Variants in CNTN4 observed in about 807,000 individuals in gnomAD.
The protein encoded by CNTN4 is contactin-4.
A neutral mutation model predicts 122.5 loss-of-function variants in CNTN4; 77 were observed. That is an observed-to-expected ratio of 0.63 (90% confidence interval 0.52 to 0.76). The LOEUF (loss-of-function observed/expected upper bound fraction) is 0.76, where lower values mean the gene tolerates loss of function less well. CNTN4 is among the 30% of genes least tolerant of loss of function. The probability of loss-of-function intolerance (pLI) is 0.00; values close to 1 mark genes in which losing one functional copy is unlikely to be tolerated. For synonymous variants in CNTN4, 512 were observed against 447.0 expected, an observed-to-expected ratio of 1.15 and a Z score of -1.83; for missense variants, 1,256 against 1,259.1, an observed-to-expected ratio of 1.00 and a Z score of 0.04.
chr3:2,545,815 G>A (rs573013084), intron 3 of CNTN4, among the ~76,000 whole-genome samples: 10 of 151,796 alleles, frequency 6.6e-5, no homozygotes, highest in African/African-American at 1.9e-4. Context: ...GTCTTGCTTT[G>A]TTATCCACCT....
intron 2 of CNTN4, among the ~76,000 whole-genome samples, chr3:2,297,878 A>G (rs920954879): frequency 5.9e-5 from 9 of 152,086 alleles, no homozygotes; most frequent in Non-Finnish European, 5.9e-5. Flanking sequence ...CCAGAGGCAC[A>G]TGCCACCACA....
intron 2 of CNTN4, among the ~76,000 whole-genome samples, chr3:2,193,044 G>A (rs1178150034): frequency 2.0e-5 from 3 of 152,064 alleles, no homozygotes; most frequent in African/African-American, 4.8e-5. Flanking sequence ...TATCAGCCAT[G>A]GGAAGACCCA....
At chr3:2,363,824 T>A (rs1426149885) in intron 3 of CNTN4, among the ~76,000 whole-genome samples, 1 of 152,194 alleles carries the variant, frequency 6.6e-6, no homozygotes, top group African/African-American at 2.4e-5. Context: ...GCAAGCTTCA[T>A]AAAGCATGGA....
At chr3:2,632,064 G>GCACACA (rs35316929) in intron 4 of CNTN4, among the ~76,000 whole-genome samples, 3,325 of 143,958 alleles carry the variant, frequency 0.023, 95 homozygotes, top group African/African-American at 0.073. Flanking sequence ...ATACACATAC[G>GCACACA]CACACACACA....
intron 4 of CNTN4, among the ~76,000 whole-genome samples, chr3:2,575,819 T>C (rs1337839005): frequency 2.0e-3 from 9 of 4,502 alleles, no homozygotes; most frequent in Non-Finnish European, 6.3e-3. Flanking sequence ...CTTTTTTTTT[T>C]TTTTTTTTTT....
At chr3:3,041,336 T>C (rs1341034789) in intron 20 of CNTN4, among the ~76,000 whole-genome samples, 1 of 152,240 alleles carries the variant, frequency 6.6e-6, no homozygotes, top group Non-Finnish European at 1.5e-5. Context: ...GGATTTACAA[T>C]TATTCAAACA....
intron 6 of CNTN4, among the ~76,000 whole-genome samples, chr3:2,765,248 C>G (rs888442811): frequency 2.6e-5 from 4 of 152,124 alleles, no homozygotes; most frequent in African/African-American, 9.7e-5. Context: ...TCAATATCAC[C>G]ACTCGTACTT....
Position 3,040,213 on chromosome 3 carries a change from C to G in CNTN4, c.2340C>G (p.Phe780Leu). 6.2e-7 allele frequency: 1 copy of G among 1,614,204 alleles called. No individual in the cohort carries two copies. The highest frequency in any genetic ancestry group is 1.3e-5 in the African/African-American group (1 of 75,052). ...FSPFEVKVGVFNNKGEGPFSP... is the reference protein window; with the variant it reads ...FSPFEVKVGVLNNKGEGPFSP... ...CCTTTGAGGTTAAAGTAGGTGTCTT[C>G]AACAACAAAGGAGAAGGCCCTTTCA... is the stretch of plus-strand genomic sequence containing the variant. The change falls in exon 20 of 25, where the codon TTC becomes TTG. Residue 780 changes from phenylalanine to leucine, a missense_variant. Transcript: ENST00000418658.
In CNTN4 at chr3:2,336,311, C is replaced by T. The variant is rs923712119; in HGVS notation, c.-144-2867C>T. Among the ~76,000 whole-genome samples the T allele has an allele frequency of 5.3e-5, 8 of 151,882 alleles. No homozygotes were observed. In the South Asian group the frequency reaches 1.0e-3, roughly 20 times the overall value. On this transcript the variant is annotated intron_variant, in intron 2 of 24. Coordinates refer to ENST00000418658, the MANE Select transcript of CNTN4 (RefSeq NM_175607.3). ...GGAATCTTGGTCTGTTTCTTTTCTC[C>T]TAGTAAATACTTTTTGAATAAAAAA...
intron 4 of CNTN4, among the ~76,000 whole-genome samples, chr3:2,705,893 T>G (rs1208972010): frequency 3.0e-5 from 2 of 66,648 alleles, no homozygotes; most frequent in East Asian, 1.4e-3. Context: ...ATATAATATA[T>G]AAAATATATA....
At chr3:2,396,027 G>GATTTTTTTTTT (rs1327477519) in intron 3 of CNTN4, among the ~76,000 whole-genome samples, 6 of 151,872 alleles carry the variant, frequency 4.0e-5, no homozygotes, top group African/African-American at 1.4e-4. Flanking sequence ...TCCTTATGGG[G>GATTTTTTTTTT]CTGTTTGTTG....
At chr3:2,818,018 A>T (rs933580597) in intron 6 of CNTN4, among the ~76,000 whole-genome samples, 4 of 152,172 alleles carry the variant, frequency 2.6e-5, no homozygotes, top group Admixed American at 6.5e-5. Context: ...TTTTGTGCAG[A>T]GTATGTGTGT....
chr3:2,428,357 C>T (rs2047925461), intron 3 of CNTN4, among the ~76,000 whole-genome samples: 1 of 152,166 alleles, frequency 6.6e-6, no homozygotes, highest in Admixed American at 6.5e-5. Context: ...ATATGAAATT[C>T]TGGATTGAAA....
intron 12 of CNTN4, among the ~76,000 whole-genome samples, chr3:2,917,443 CTTGGGAAT>C (rs1449970112): frequency 1.2e-4 from 18 of 151,180 alleles, no homozygotes; most frequent in African/African-American, 4.4e-4. Context: ...ATATGTATTA[CTTGGGAAT>C]TTTGTTAAGT....
intron 3 of CNTN4, among the ~76,000 whole-genome samples, chr3:2,383,289 T>C (rs1023826756): frequency 2.0e-5 from 3 of 152,150 alleles, no homozygotes; most frequent in African/African-American, 4.8e-5. Flanking sequence ...CTTATATTTA[T>C]CCAACCTCTG....
rs563838178 is a variant in CNTN4 at position 2,548,150 on chromosome 3, C to T, written c.-88-23266C>T. ...TGCCTGTTCACCTTGATGATAGTTT[C>T]ATTGCTGTGCGGAAGCTCTTTACTG... On this transcript the variant is annotated intron_variant, in intron 3 of 24. Coordinates refer to ENST00000418658, the MANE Select transcript of CNTN4 (RefSeq NM_175607.3). 1.1e-4 allele frequency among the ~76,000 whole-genome samples: 17 copies of T among 152,214 alleles called. 1 individual carries two copies. Among genetic ancestry groups the T allele is most frequent in the African/African-American group, 4.1e-4 (17 of 41,546 alleles).
At chr3:2,138,387 T>TG (rs144627834) in intron 2 of CNTN4, among the ~76,000 whole-genome samples, 6,802 of 152,000 alleles carry the variant, frequency 0.045, 222 homozygotes, top group African/African-American at 0.096. Flanking sequence ...CTTCTTATAG[T>TG]GGGGGGTATC....
At chr3:3,029,638 T>C (rs1699005545) in intron 15 of CNTN4, among the ~76,000 whole-genome samples, 1 of 152,244 alleles carries the variant, frequency 6.6e-6, no homozygotes, top group African/African-American at 2.4e-5. Context: ...GGATATGGTC[T>C]TTCCGGATGC....
chr3:2,705,607 A>C (rs1228547453), intron 4 of CNTN4, among the ~76,000 whole-genome samples: 1 of 30,830 alleles, frequency 3.2e-5, no homozygotes, highest in Non-Finnish European at 5.6e-5. Flanking sequence ...TATAAATTTT[A>C]TATATTTATA....
Sources: gnomAD v4.1 joint callset for allele counts (sites outside exome capture counted in the v4.1 genomes callset) on GRCh38, gnomAD v4.1.1 for gene constraint, MANE v1.5 for transcripts, NCBI Gene and HGNC (gene_info 2026-07-23, HGNC 2026-07-21) for gene names.